The following FANCI variants were observed in gnomAD, a reference collection of about 807,000 sequenced individuals.
FANCI encodes FA complementation group I.
Under a neutral mutation model 176.1 loss-of-function variants are expected in FANCI, and 156 were observed. That is an observed-to-expected ratio of 0.89 (90% CI 0.78 to 1.01). The LOEUF (loss-of-function observed/expected upper bound fraction) is 1.01, where lower values mean the gene tolerates loss of function less well. Among genes scored for constraint, FANCI ranks in the 50% least tolerant of loss-of-function variants. The probability of loss-of-function intolerance (pLI) is 0.00; values close to 1 mark genes in which losing one functional copy is unlikely to be tolerated. For synonymous variants in FANCI, 613 were observed against 541.7 expected, an observed-to-expected ratio of 1.13 and a Z score of -1.83; for missense variants, 1,678 against 1,534.1, an observed-to-expected ratio of 1.09 and a Z score of -1.57.
chr15:89,293,662 C>T (rs2054148957), intron 22 of FANCI, among the ~76,000 whole-genome samples, 171 bp from the exon 23 acceptor site: 1 of 151,976 alleles, frequency 6.6e-6, no homozygotes, highest in African/African-American at 2.4e-5. Flanking sequence ...GAAACAAAAC[C>T]CAGATAGATT....
Position 89,300,029 on chromosome 15 carries a change from T to C in FANCI, c.2803+63T>C, listed in dbSNP as rs945533982. 3 of 1,568,634 alleles carry C rather than the reference T, an allele frequency of 1.9e-6. No individual in the cohort carries two copies. In the African/African-American group the frequency reaches 4.0e-5, roughly 21 times the overall value. ...GTTTCTCCTTAGCTCAACCCCTTAA[T>C]TCCATTTGTTAACCTACCAGAAGAC... On this transcript the variant is annotated intron_variant, in intron 25 of 37. Coordinates refer to ENST00000310775, the MANE Select transcript of FANCI (RefSeq NM_001113378.2).
At chr15:89,308,165 C>A (rs1481989755) in intron 34 of FANCI, 5 of 1,046,248 alleles carry the variant, frequency 4.8e-6, no homozygotes, top group African/African-American at 1.7e-5. Flanking sequence ...TTGCTTAAAC[C>A]AGTTTTTTAA....
At chr15:89,293,746 A>G in intron 22 of FANCI, 87 bp from the exon 23 acceptor site, 1 of 1,229,590 alleles carries the variant, frequency 8.1e-7, no homozygotes, top group Non-Finnish European at 1.2e-6. Flanking sequence ...TGACATTTAA[A>G]GAAGCATTGT....
chr15:89,302,471 G>A (rs1458124908), intron 27 of FANCI, among the ~76,000 whole-genome samples: 2 of 151,910 alleles, frequency 1.3e-5, no homozygotes. Flanking sequence ...AAATGTTCAG[G>A]AAAATTTAAA....
chr15:89,287,883 C>G (rs2053883171), intron 18 of FANCI, among the ~76,000 whole-genome samples: 1 of 152,144 alleles, frequency 6.6e-6, no homozygotes, highest in Non-Finnish European at 1.5e-5. Flanking sequence ...CAATTCGTGA[C>G]TCTTCAAACC....
At chr15:89,245,343 T>C (rs1393973794) in intron 1 of FANCI, 1 of 94,676 alleles carries the variant, frequency 1.1e-5, no homozygotes, top group East Asian at 2.6e-4. Flanking sequence ...TATTTTTTTT[T>C]TTTTTTTTTT....
intron 34 of FANCI, among the ~76,000 whole-genome samples, chr15:89,310,926 C>T (rs2054929412): frequency 6.6e-6 from 1 of 151,880 alleles, no homozygotes; most frequent in Admixed American, 6.6e-5. Context: ...AGTTTGAGAC[C>T]AGCCTGGCCA....
At chr15:89,294,718 C>G (rs1434621418) in intron 23 of FANCI, among the ~76,000 whole-genome samples, 197 bp from the exon 24 acceptor site, 1 of 152,070 alleles carries the variant, frequency 6.6e-6, no homozygotes, top group Non-Finnish European at 1.5e-5. Context: ...TGAGGAACCA[C>G]TAAGAATAAC....
At chr15:89,308,674 G>A (rs574228938) in intron 34 of FANCI, among the ~76,000 whole-genome samples, 1 of 152,354 alleles carries the variant, frequency 6.6e-6, no homozygotes, top group Non-Finnish European at 1.5e-5. Context: ...GCTGGGCACA[G>A]TGGCTCATGC....
At chr15:89,272,226 C>T (rs868834202) in intron 10 of FANCI, among the ~76,000 whole-genome samples, 10 of 152,224 alleles carry the variant, frequency 6.6e-5, no homozygotes, top group Non-Finnish European at 1.3e-4. Flanking sequence ...TTCATGTGCT[C>T]ATTAACTGTT....
chr15:89,251,822 T>G (rs1402744030), intron 2 of FANCI, among the ~76,000 whole-genome samples: 3 of 152,216 alleles, frequency 2.0e-5, no homozygotes, highest in Non-Finnish European at 4.4e-5. Flanking sequence ...GGGTGGCTGT[T>G]TCCTTTACAT....
chr15:89,300,301 T>A lies in FANCI; in HGVS notation c.2805T>A (p.Asp935Glu). ...CAAGAGTTTCTTTTCCATTCCTAGATGTCACAGATAAGGAAGGAGAAGAGA... is the reference window on the plus strand; with the variant it reads ...CAAGAGTTTCTTTTCCATTCCTAGAAGTCACAGATAAGGAAGGAGAAGAGA... Reference protein sequence around the residue: ...PKIQQFLRALDVTDKEGEERE... With the variant: ...PKIQQFLRALEVTDKEGEERE... The change falls in exon 26 of 38, where the codon GAT becomes GAA. Residue 935 changes from aspartate (D) to glutamate (E), a missense_variant and splice_region_variant. By Grantham distance (45) the Asp-to-Glu change is conservative. Around this residue, in one of 3 missense-constraint regions of FANCI, gnomAD observed 1,204 missense variants for 1,077.4 expected, o/e 1.12. Transcript: ENST00000310775. 1 of 1,613,114 alleles carries A rather than the reference T, an allele frequency of 6.2e-7. No individual in the cohort carries two copies. Among genetic ancestry groups the A allele is most frequent in the Non-Finnish European group, 8.5e-7 (1 of 1,179,156 alleles).
In FANCI at chr15:89,277,020, A is replaced by G. The variant is rs2053434464; in HGVS notation, c.1293+129A>G. 4.7e-5 allele frequency: 41 copies of G among 879,736 alleles called. No homozygotes were observed. The South Asian group carries it at 5.6e-4, about 12-fold the overall frequency. The allele number at this position is 879,736 out of a possible 1,614,324, so 54.5% of individuals were successfully genotyped here. On this transcript the variant is annotated intron_variant, in intron 13 of 37. Transcript: ENST00000310775. ...ATTAGTTTGACAGAGGATATATGAC[A>G]GAGATTAGGATAATATTGAAACATT...
At chr15:89,273,242 T>C (rs1250835734) in intron 10 of FANCI, 135 bp from the exon 11 acceptor site, 2 of 609,590 alleles carry the variant, frequency 3.3e-6, no homozygotes, top group Non-Finnish European at 5.9e-6. Context: ...AAATCAAGGC[T>C]GCAGTGAGCT....
At position 89,285,156 on chromosome 15, in the gene FANCI, A is replaced by C; in HGVS notation, c.1759A>C (p.Ile587Leu). The part of the protein sequence containing the change: ...SVANETFCLE[I>L]MDSLRRCLSQ... Reference sequence around the variant, plus strand: ...CGCCAATGAAACTTTTTGCCTTGAGATCATGGATAGTTTGAGGAGATGCTT... The same window carrying C: ...CGCCAATGAAACTTTTTGCCTTGAGCTCATGGATAGTTTGAGGAGATGCTT... Residue 587 changes from isoleucine (I) to leucine (L), a missense_variant, in exon 18 of 38, where the codon ATC becomes CTC. By Grantham distance (5) the Ile-to-Leu change is conservative. Transcript: ENST00000310775. The C allele has an allele frequency of 6.2e-7, 1 of 1,614,152 alleles. No individual in the cohort carries two copies. Among genetic ancestry groups the C allele is most frequent in the Non-Finnish European group, 8.5e-7 (1 of 1,180,030 alleles).
At chr15:89,317,150 G>T (rs1860022), downstream of FANCI, 8 of 604,066 alleles carry the variant, frequency 1.3e-5, no homozygotes, top group African/African-American at 1.5e-4. Context: ...GGTTGAAGTA[G>T]GGGACAGGTA....
At position 89,272,411 on chromosome 15, in the gene FANCI, T is replaced by C. The variant is rs548959459; in HGVS notation, c.883-966T>C. On this transcript the variant is annotated intron_variant, in intron 10 of 37. Transcript: ENST00000310775. ...CTTTATCAGGTATATAATTAGCAAA[T>C]ATTTTTTCTCAGTCTGTGACTTGTC... Among the ~76,000 whole-genome samples, 3 of 152,238 alleles carry C rather than the reference T, an allele frequency of 2.0e-5. No individual in the cohort carries two copies. The South Asian group carries it at 6.2e-4, about 32-fold the overall frequency.
At position 89,300,364 on chromosome 15, in the gene FANCI, A is replaced by AT. The variant is rs1331513426; in HGVS notation, c.2870dup (p.Gln958ProfsTer14). On this transcript the variant is annotated frameshift_variant, in exon 26 of 38. Transcript: ENST00000310775. LOFTEE classifies it high-confidence loss of function. ...ATGTCAGTGTCACTCAGAGAACAGC[A>AT]TTCCAGATCCGGCAATTTCAGGTGA... is the stretch of plus-strand genomic sequence containing the variant. 5 of 1,614,036 alleles carry AT rather than the reference A, an allele frequency of 3.1e-6. No homozygotes were observed. In the South Asian group the frequency reaches 5.5e-5, roughly 18 times the overall value.
At chr15:89,258,294 T>C (rs1415546684) in intron 2 of FANCI, among the ~76,000 whole-genome samples, 1 of 152,198 alleles carries the variant, frequency 6.6e-6, no homozygotes, top group Non-Finnish European at 1.5e-5. Flanking sequence ...ACTTATTGTC[T>C]ATCTCAGCCT....
Sources: allele counts gnomAD v4.1 joint callset (sites outside exome capture counted in the v4.1 genomes callset), GRCh38; gene constraint gnomAD v4.1.1; regional missense constraint gnomAD v4.1.1; transcripts MANE v1.5; gene names NCBI Gene and HGNC (gene_info 2026-07-23, HGNC 2026-07-21).